Variants in ARMC5 observed in about 807,000 individuals in gnomAD.
The protein encoded by ARMC5 is armadillo repeat containing 5, also known as armadillo repeat-containing protein 5.
Under a neutral mutation model 60.5 loss-of-function variants are expected in ARMC5, and 28 were observed. The ratio of observed to expected loss-of-function variants is 0.46; its 90% CI spans 0.34 to 0.63. ARMC5 has a LOEUF of 0.63. ARMC5 is among the 30% of genes least tolerant of loss of function. The pLI is 0.01. For missense variants in ARMC5, 1,189 were observed against 1,304.9 expected (o/e 0.91, Z 1.37); for synonymous variants, 680 against 607.3 (o/e 1.12, Z -1.76).
Position 31,464,924 on chromosome 16 carries a change from G to A in ARMC5, c.1864+37G>A, listed in dbSNP as rs753698683. Reference sequence around the variant, plus strand: ...TACCCACCCGTCTCCTTGCCCCCATGTGAGTCCCCATCCTCCCCCATGGCT... The same window carrying A: ...TACCCACCCGTCTCCTTGCCCCCATATGAGTCCCCATCCTCCCCCATGGCT... On this transcript the variant is annotated intron_variant, in intron 4 of 5. Transcript: ENST00000268314. The surrounding 1 kb of genome is among the most constrained non-coding windows in gnomAD (Gnocchi z 7.6). 2.5e-6 allele frequency: 4 copies of A among 1,610,076 alleles called. No homozygotes were observed. In the Admixed American group the frequency reaches 6.7e-5, roughly 27 times the overall value.
At chr16:31,458,763 G>C (rs1034355765), upstream of ARMC5, 6 of 1,490,734 alleles carry the variant, frequency 4.0e-6, no homozygotes, top group African/African-American at 8.4e-5. Context: ...CGAATGTCCC[G>C]CTCCCCCGCC....
At chr16:31,458,484 G>A (rs2082266206), upstream of ARMC5, 2 of 1,535,648 alleles carry the variant, frequency 1.3e-6, no homozygotes, top group South Asian at 1.2e-5. Context: ...GGAAGCTTCT[G>A]CCATAACCCG....
upstream of ARMC5, chr16:31,458,626 C>G: frequency 1.4e-6 from 2 of 1,440,340 alleles, no homozygotes; most frequent in Non-Finnish European, 1.9e-6. Context: ...TTGGCAAAGG[C>G]TTCTTCCTCC....
rs2082286585 is a variant in ARMC5 at position 31,459,845 on chromosome 16, G to A, written c.321G>A (p.Ser107=). The A allele has an allele frequency of 6.3e-7, 1 of 1,578,186 alleles. No individual in the cohort carries two copies. ...GAGCTTCTAGCCCCGCCCCCGCGTCGGGCCCCGCCCCCTCCGCTGTGTCGT... is the reference window on the plus strand; with the variant it reads ...GAGCTTCTAGCCCCGCCCCCGCGTCAGGCCCCGCCCCCTCCGCTGTGTCGT... ...ASGASSPAPA[S]GPAPSAVSSS... The change falls in exon 1 of 6, where the codon TCG becomes TCA. Residue 107 remains serine, a synonymous_variant. Coordinates refer to ENST00000268314, the MANE Select transcript of ARMC5 (RefSeq NM_001105247.2).
At chr16:31,458,396 G>C (rs1400040086), upstream of ARMC5, 2 of 1,535,476 alleles carry the variant, frequency 1.3e-6, no homozygotes, top group African/African-American at 2.7e-5. Context: ...GGGCCGAAGC[G>C]ATGGTCACAC....
upstream of ARMC5, chr16:31,458,821 T>C (rs2082270131): frequency 6.5e-7 from 1 of 1,532,138 alleles, no homozygotes; most frequent in Non-Finnish European, 8.7e-7. Flanking sequence ...CGCGGCCGAC[T>C]GCGCTGCGAG....
chr16:31,458,434 G>T (rs1355504847), upstream of ARMC5: 4 of 1,535,754 alleles, frequency 2.6e-6, no homozygotes, highest in Non-Finnish European at 3.5e-6. Context: ...CTTTTCACCG[G>T]TGTGTACCCA....
In ARMC5 at chr16:31,466,913, G is replaced by T. The variant is rs550229143; in HGVS notation, c.*24G>T. ...AGACTGTTGACGTCCCCTGGGAAGG[G>T]GACCCAAGGATGAATTGGCTGTGAA... On this transcript the variant is annotated 3_prime_UTR_variant, in exon 6 of 6. Transcript: ENST00000268314. The surrounding 1 kb of genome is among the most constrained non-coding windows in gnomAD (Gnocchi z 8.0). 5.4e-6 allele frequency: 8 copies of T among 1,494,122 alleles called. No individual in the cohort carries two copies. In the African/African-American group the frequency reaches 8.4e-5, roughly 16 times the overall value. The allele number at this position is 1,494,122 out of a possible 1,614,324, so 92.6% of individuals were successfully genotyped here.
In ARMC5 at chr16:31,466,142, G is replaced by T; in HGVS notation, c.2061G>T (p.Ala687=). ...GTGGTCTCCGGCTCCTCCTTGCGGC[G>T]CTGACCCGGCCGGCCCCACACCCGC... ...EQGGLRLLLA[A]LTRPAPHPLF... Residue 687 remains alanine, a synonymous_variant, in exon 6 of 6, where the codon GCG becomes GCT. Coordinates refer to ENST00000268314, the MANE Select transcript of ARMC5 (RefSeq NM_001105247.2). This position sits in a 1 kb window ranked among gnomAD's most constrained non-coding sequence, Gnocchi z 8.0. The T allele has an allele frequency of 6.2e-7, 1 of 1,605,942 alleles. No homozygotes were observed. Among genetic ancestry groups the T allele is most frequent in the Non-Finnish European group, 8.5e-7 (1 of 1,179,768 alleles).
In ARMC5 at chr16:31,459,805, C is replaced by T. The variant is rs748216236; in HGVS notation, c.281C>T (p.Ser94Leu). Residue 94 changes from serine to leucine, a missense_variant, in exon 1 of 6, where the codon TCG becomes TTG. By Grantham distance (145) the Ser-to-Leu change is moderately radical (BLOSUM62 -2). Coordinates refer to ENST00000268314, the MANE Select transcript of ARMC5 (RefSeq NM_001105247.2). ...CAGGCAGGCCCCGGCTCCGCCCCCT[C>T]GTCGGCCGCGTCGGGAGCTTCTAGC... ...PSQAGPGSAPSSAASGASSPA... is the reference protein window; with the variant it reads ...PSQAGPGSAPLSAASGASSPA... The T allele has an allele frequency of 3.2e-6, 5 of 1,539,516 alleles. No individual in the cohort carries two copies. In the East Asian group the frequency reaches 7.3e-5, roughly 23 times the overall value.
In ARMC5 at chr16:31,464,575, C is replaced by A. The variant is rs1444582131; in HGVS notation, c.1552C>A (p.Pro518Thr). Residue 518 changes from proline to threonine, a missense_variant, in exon 4 of 6, where the codon CCT becomes ACT. Around this residue, in one of 2 missense-constraint regions of ARMC5, gnomAD observed 862 missense variants for 1,071.2 expected, o/e 0.80. Coordinates refer to ENST00000268314, the MANE Select transcript of ARMC5 (RefSeq NM_001105247.2). This position sits in a 1 kb window ranked among gnomAD's most constrained non-coding sequence, Gnocchi z 7.6. ...CAGCCCCGCCGCCGCCATCGAGGAG[C>A]CTTGGGGACGCGAAGGGCCAGCCCT... ...GRSPAAAIEE[P>T]WGREGPALLL... The A allele has an allele frequency of 3.8e-6, 6 of 1,584,656 alleles. No homozygotes were observed. Among genetic ancestry groups the A allele is most frequent in the Non-Finnish European group, 5.1e-6 (6 of 1,168,928 alleles).
Position 31,461,972 on chromosome 16 carries a change from C to A in ARMC5, c.526C>A (p.Arg176Ser), listed in dbSNP as rs777098322. The change falls in exon 2 of 6, where the codon CGT (arginine) becomes AGT (serine). Residue 176 changes from arginine (R) to serine (S), a missense_variant. By Grantham distance (110) the Arg-to-Ser change is moderately radical. This residue lies in a region of ARMC5 where 862 missense variants were observed against 1,071.2 expected (regional missense o/e 0.80). Transcript: ENST00000268314. ...KTDSIQNRTA[R>S]ALGNLAMEPE... The stretch of plus-strand genomic sequence containing the variant: ...AGACAGCATCCAGAACCGAACGGCC[C>A]GTGCCCTGGGGAACTTAGCCATGGA... 9 of 1,614,088 alleles carry A rather than the reference C, an allele frequency of 5.6e-6. No homozygotes were observed.
At chr16:31,458,981 G>GT, upstream of ARMC5, 1 of 1,535,516 alleles carries the variant, frequency 6.5e-7, no homozygotes, top group Admixed American at 2.0e-5. Context: ...TTCTCGGTAG[G>GT]TTTAACCCTC....
At chr16:31,458,777 C>T (rs1478101696), upstream of ARMC5, 4 of 1,509,420 alleles carry the variant, frequency 2.7e-6, no homozygotes, top group Non-Finnish European at 3.5e-6. Context: ...CCCCGCCGCC[C>T]CGCCCCGTCC....
chr16:31,459,399 A>C, upstream of ARMC5: 4 of 1,537,408 alleles, frequency 2.6e-6, no homozygotes, highest in Non-Finnish European at 3.5e-6. Context: ...ACAACTTCCG[A>C]CTTGCATCAC....
rs1248965476 is a variant in ARMC5 at position 31,464,124 on chromosome 16, T to C, written c.1371-270T>C. On this transcript the variant is annotated intron_variant, in intron 3 of 5. Transcript: ENST00000268314. The surrounding 1 kb of genome is among the most constrained non-coding windows in gnomAD (Gnocchi z 7.6). Reference sequence around the variant, plus strand: ...TGGGCAACATAGCGAGACCCATCTCTACAAAACATTTAAAAAATTAGCTGA... The same window carrying C: ...TGGGCAACATAGCGAGACCCATCTCCACAAAACATTTAAAAAATTAGCTGA... Among the ~76,000 whole-genome samples the C allele has an allele frequency of 6.7e-6, 1 of 148,746 alleles. No individual in the cohort carries two copies. Among genetic ancestry groups the C allele is most frequent in the Non-Finnish European group, 1.5e-5 (1 of 67,356 alleles).
chr16:31,459,458 T>C (rs559310544), upstream of ARMC5: 128 of 1,553,248 alleles, frequency 8.2e-5, no homozygotes, highest in Non-Finnish European at 4.3e-5. Flanking sequence ...ACGATTTCCC[T>C]GTCTTCCAGT....
upstream of ARMC5, chr16:31,458,744 C>T (rs1000569118): frequency 5.4e-6 from 8 of 1,477,416 alleles, no homozygotes; most frequent in Non-Finnish European, 6.3e-6. Context: ...CTGGGGGCTC[C>T]CCGGGACGCG....
rs1236708299 is a variant in ARMC5 at position 31,465,632 on chromosome 16, A to C, written c.1865-218A>C. The C allele has an allele frequency of 2.1e-6, 3 of 1,403,266 alleles. No individual in the cohort carries two copies. In the East Asian group the frequency reaches 8.0e-5, roughly 37 times the overall value. The allele number at this position is 1,403,266 out of a possible 1,614,324, so 86.9% of individuals were successfully genotyped here. ...GGCGCCTGGGTGGCTTGCCGCCCAC[A>C]CTTCAGGGGCCCAGACTTACACCCT... On this transcript the variant is annotated intron_variant, in intron 4 of 5. Transcript: ENST00000268314.
Sources: allele counts gnomAD v4.1 joint callset (sites outside exome capture counted in the v4.1 genomes callset), GRCh38; gene constraint gnomAD v4.1.1; regional missense constraint gnomAD v4.1.1; non-coding constraint Gnocchi (gnomAD v3.1); transcripts MANE v1.5; gene names NCBI Gene and HGNC (gene_info 2026-07-23, HGNC 2026-07-21).